UNC13C: variants seen among roughly 807,000 people sequenced by gnomAD.
UNC13C encodes the protein unc-13 homolog C.
A neutral mutation model predicts 245.4 loss-of-function variants in UNC13C; 174 were observed. The ratio of observed to expected loss-of-function variants is 0.71; its 90% CI spans 0.63 to 0.80. UNC13C has a LOEUF of 0.80. Ranked by LOEUF, UNC13C falls within the 30% of genes least tolerant of loss-of-function variation. The pLI is 0.00. For missense variants in UNC13C, 2,829 were observed against 2,602.9 expected (o/e 1.09, Z -1.89); for synonymous variants, 992 against 895.1 (o/e 1.11, Z -1.93).
chr15:54,546,256 G>T (rs1183058207), intron 26 of UNC13C, among the ~76,000 whole-genome samples: 1 of 152,156 alleles, frequency 6.6e-6, no homozygotes, highest in Non-Finnish European at 1.5e-5. Context: ...ACTCATAAGT[G>T]GGAGTTGAAC....
At chr15:54,479,881 G>T (rs1412781652) in intron 19 of UNC13C, among the ~76,000 whole-genome samples, 8 of 152,086 alleles carry the variant, frequency 5.3e-5, no homozygotes, top group Non-Finnish European at 1.5e-5. Flanking sequence ...GTCTGGGAAA[G>T]AATTTACTTG....
intron 2 of UNC13C, among the ~76,000 whole-genome samples, chr15:54,082,166 T>C (rs1166891115): frequency 6.6e-6 from 1 of 152,220 alleles, no homozygotes; most frequent in African/African-American, 2.4e-5. Flanking sequence ...ATTTCCTTTA[T>C]AGGTAATTTT....
chr15:54,543,035 G>A (rs1288263664), intron 26 of UNC13C, among the ~76,000 whole-genome samples: 7 of 152,112 alleles, frequency 4.6e-5, no homozygotes, highest in Non-Finnish European at 1.0e-4. Flanking sequence ...ATTTGGTCCT[G>A]TCGCTATGAT....
intron 11 of UNC13C, among the ~76,000 whole-genome samples, chr15:54,294,599 A>T (rs1371491706): frequency 6.6e-6 from 1 of 152,154 alleles, no homozygotes. Flanking sequence ...AAAAATTATT[A>T]TGGAACCAGA....
intron 30 of UNC13C, among the ~76,000 whole-genome samples, chr15:54,591,066 T>G (rs1898759181): frequency 6.6e-6 from 1 of 152,224 alleles, no homozygotes; most frequent in Non-Finnish European, 1.5e-5. Context: ...ATTTGTGTCT[T>G]TAATTCTGTT....
chr15:53,892,900 G>A, the UNC13C span, among the ~76,000 whole-genome samples: 13 of 152,234 alleles, frequency 8.5e-5, no homozygotes, highest in African/African-American at 3.1e-4. Context: ...TCTCCATCAA[G>A]TTTTGTCCCC....
rs547678628 is a variant in UNC13C, at chr15:54,031,310, G to A, written c.2983+15424G>A. The stretch of plus-strand genomic sequence containing the variant: ...ACGATCTCAGCTCACTGCAAGTTCC[G>A]CCTCCCGGGTTCACGCCATTCTCCT... On this transcript the variant is annotated intron_variant, in intron 2 of 32. Transcript: ENST00000260323. 9.9e-5 allele frequency among the ~76,000 whole-genome samples: 15 copies of A among 152,248 alleles called. 1 individual carries two copies. The highest frequency in any genetic ancestry group is 6.2e-4 in the South Asian group (3 of 4,822).
At chr15:53,891,051 C>G in the UNC13C span, among the ~76,000 whole-genome samples, 3 of 152,106 alleles carry the variant, frequency 2.0e-5, no homozygotes, top group Admixed American at 2.0e-4. Context: ...CCCGGAGATT[C>G]TGGTATGTTG....
the UNC13C span, among the ~76,000 whole-genome samples, chr15:53,862,392 G>A: frequency 6.6e-6 from 1 of 152,106 alleles, no homozygotes; most frequent in Non-Finnish European, 1.5e-5. Context: ...GCGGCCATAA[G>A]CAGGAGTGTT....
At chr15:54,073,785 G>A (rs539026408) in intron 2 of UNC13C, among the ~76,000 whole-genome samples, 219 of 152,198 alleles carry the variant, frequency 1.4e-3, no homozygotes, top group African/African-American at 5.1e-3. Context: ...TTAGCCCTTT[G>A]TCAGATGGAT....
chr15:54,141,582 C>A (rs1469356469), intron 2 of UNC13C, among the ~76,000 whole-genome samples: 1 of 151,762 alleles, frequency 6.6e-6, no homozygotes, highest in Non-Finnish European at 1.5e-5. Context: ...ACTTTTGCTC[C>A]CTATGAAAAT....
intron 4 of UNC13C, among the ~76,000 whole-genome samples, chr15:54,179,734 C>G (rs1163851216): frequency 6.6e-6 from 1 of 151,844 alleles, no homozygotes; most frequent in Non-Finnish European, 1.5e-5. Context: ...ATTTAAAAAT[C>G]AAAATAACCA....
At chr15:54,392,981 A>C in intron 17 of UNC13C, 67 bp from the exon 18 acceptor site, 1 of 1,409,758 alleles carries the variant, frequency 7.1e-7, no homozygotes, top group Non-Finnish European at 9.3e-7. Flanking sequence ...TCTATTTGAC[A>C]GTGACATCTA....
At chr15:54,336,097 G>C (rs1159277087) in intron 16 of UNC13C, among the ~76,000 whole-genome samples, 1 of 151,902 alleles carries the variant, frequency 6.6e-6, no homozygotes, top group Non-Finnish European at 1.5e-5. Context: ...GAAGAATGTT[G>C]AAATTTTTAC....
At chr15:54,210,204 T>C (rs903595775) in intron 4 of UNC13C, among the ~76,000 whole-genome samples, 82 of 141,870 alleles carry the variant, frequency 5.8e-4, no homozygotes, top group African/African-American at 2.0e-3. Flanking sequence ...ACTTACTATA[T>C]ATAAAATATA....
chr15:53,900,835 T>C, the UNC13C span, among the ~76,000 whole-genome samples: 2 of 152,186 alleles, frequency 1.3e-5, no homozygotes, highest in African/African-American at 4.8e-5. Flanking sequence ...TACTATGTTG[T>C]TAATCAATTG....
chr15:54,058,414 A>G (rs1276335437), intron 2 of UNC13C, among the ~76,000 whole-genome samples: 1 of 152,222 alleles, frequency 6.6e-6, no homozygotes, highest in East Asian at 1.9e-4. Flanking sequence ...TAAACCAGGA[A>G]GAAATTGAAT....
intron 1 of UNC13C, among the ~76,000 whole-genome samples, chr15:53,992,523 C>T (rs35228575): frequency 0.028 from 4,247 of 152,114 alleles, 70 homozygotes; most frequent in Middle Eastern, 0.048. Flanking sequence ...GTGACTTTTG[C>T]AATCTTAGAG....
At chr15:54,266,031 T>A (rs2036542089) in intron 10 of UNC13C, among the ~76,000 whole-genome samples, 1 of 152,036 alleles carries the variant, frequency 6.6e-6, no homozygotes, top group Non-Finnish European at 1.5e-5. Flanking sequence ...AACTCATTTT[T>A]CTCTCAAAAG....
Sources: allele counts gnomAD v4.1 joint callset (sites outside exome capture counted in the v4.1 genomes callset), GRCh38; gene constraint gnomAD v4.1.1; transcripts MANE v1.5; gene names NCBI Gene and HGNC (gene_info 2026-07-23, HGNC 2026-07-21).